Variants in TTC6 observed in about 807,000 individuals in gnomAD.
TTC6 encodes tetratricopeptide repeat protein 6.
In TTC6, 172 loss-of-function variants were observed where a neutral mutation model predicts 210.4. The ratio of observed to expected loss-of-function variants is 0.82; its 90% CI spans 0.72 to 0.93. TTC6 has a LOEUF of 0.93. Among genes scored for constraint, TTC6 ranks in the 40% least tolerant of loss-of-function variants. TTC6 has a pLI of 0.00. For missense variants in TTC6, 2,414 were observed against 2,318.1 expected, an observed-to-expected ratio of 1.04 and a Z score of -0.85; for synonymous variants, 804 against 819.6, an observed-to-expected ratio of 0.98 and a Z score of 0.32.
chr14:37,806,571 C>A (rs926957894), intron 22 of TTC6, 61 bp downstream of exon 24: 45 of 1,405,022 alleles, frequency 3.2e-5, no homozygotes, highest in African/African-American at 1.4e-5. Context: ...ACTATTAAAT[C>A]TTTTATGTGC....
chr14:37,680,119 T>A, intron 1 of TTC6, 32 bp from the exon 4 acceptor site: 2 of 1,260,476 alleles, frequency 1.6e-6, no homozygotes, highest in East Asian at 5.1e-5. Context: ...TTTTAAAAAT[T>A]GGCATCACTT....
intron 3 of TTC6, among the ~76,000 whole-genome samples, chr14:37,693,486 A>G (rs1490177589): frequency 3.3e-5 from 5 of 152,142 alleles, no homozygotes; most frequent in Admixed American, 1.3e-4. Context: ...CAAAATACCA[A>G]TGACATTCTT....
At chr14:37,787,469 A>C (rs1394647566) in exon 15 of TTC6, 1 of 1,513,156 alleles carries the variant, frequency 6.6e-7, no homozygotes, top group Non-Finnish European at 8.8e-7. Context: ...TTTTCCTAGG[A>C]CATACCGAGG....
chr14:37,834,037 G>A (rs2096192147), intron 29 of TTC6, among the ~76,000 whole-genome samples: 1 of 152,098 alleles, frequency 6.6e-6, no homozygotes, highest in African/African-American at 2.4e-5. Flanking sequence ...TGGTTTATAG[G>A]ATTTCTGTGG....
intron 1 of TTC6, among the ~76,000 whole-genome samples, chr14:37,663,366 A>G (rs1566872493): frequency 6.6e-6 from 1 of 152,194 alleles, no homozygotes; most frequent in Non-Finnish European, 1.5e-5. Flanking sequence ...TGAAATGTAT[A>G]CAAAATTAAA....
chr14:37,819,107 C>T (rs1215162186), intron 26 of TTC6, among the ~76,000 whole-genome samples: 3 of 152,168 alleles, frequency 2.0e-5, no homozygotes, highest in Non-Finnish European at 4.4e-5. Context: ...CATAACCCAA[C>T]TAGAATCTCT....
chr14:37,739,497 A>G (rs980480722), intron 10 of TTC6, among the ~76,000 whole-genome samples: 1 of 146,438 alleles, frequency 6.8e-6, no homozygotes, highest in African/African-American at 2.5e-5. Flanking sequence ...TGAACCTGGG[A>G]GGTGGAGGTT....
At chr14:37,600,182 A>T (rs2095612936) in intron 1 of TTC6, among the ~76,000 whole-genome samples, 1 of 152,190 alleles carries the variant, frequency 6.6e-6, no homozygotes, top group Non-Finnish European at 1.5e-5. Context: ...TGAGCAGCTG[A>T]GGTCCTACTG....
At chr14:37,687,820 G>GGTGAGACCCTGAGACTT in intron 3 of TTC6, among the ~76,000 whole-genome samples, 1 of 152,214 alleles carries the variant, frequency 6.6e-6, no homozygotes, top group South Asian at 2.1e-4. Context: ...GAGGGCCTTG[G>GGTGAGACCCTGAGACTT]GTGAGACCCT....
chr14:37,717,594 A>G (rs560518046), intron 6 of TTC6, among the ~76,000 whole-genome samples: 11 of 152,314 alleles, frequency 7.2e-5, no homozygotes, highest in East Asian at 3.9e-4. Flanking sequence ...GTAAGCCCAG[A>G]TGATTTTACT....
intron 5 of TTC6, among the ~76,000 whole-genome samples, chr14:37,703,222 C>T (rs149151657): frequency 1.5e-3 from 225 of 152,058 alleles, no homozygotes; most frequent in African/African-American, 4.9e-3. Context: ...TAATTATTCA[C>T]GCAAAGTGTT....
At chr14:37,621,154 G>A (rs901788916), upstream of TTC6, among the ~76,000 whole-genome samples, 7 of 152,162 alleles carry the variant, frequency 4.6e-5, no homozygotes, top group Non-Finnish European at 7.3e-5. Context: ...GGACACCTGG[G>A]ACCAGCTGGA....
chr14:37,790,205 C>G (rs2096076364), intron 15 of TTC6, among the ~76,000 whole-genome samples: 1 of 152,032 alleles, frequency 6.6e-6, no homozygotes, highest in Non-Finnish European at 1.5e-5. Context: ...TTGGTGTAGC[C>G]TCTTTGCTTG....
intron 15 of TTC6, among the ~76,000 whole-genome samples, chr14:37,789,596 T>TTATATTTATATATATA (rs2096074846): frequency 2.2e-5 from 3 of 134,498 alleles, no homozygotes; most frequent in African/African-American, 8.4e-5. Context: ...TGGTTTCCTC[T>TTATATTTATATATATA]TATATATATA....
chr14:37,708,272 C>A (rs2138721085), intron 5 of TTC6, among the ~76,000 whole-genome samples: 1 of 151,886 alleles, frequency 6.6e-6, no homozygotes, highest in South Asian at 2.1e-4. Context: ...ATAAGGAGTG[C>A]TTTTATTTGA....
chr14:37,642,713 T>G (rs916771694), intron 1 of TTC6, among the ~76,000 whole-genome samples: 1 of 152,198 alleles, frequency 6.6e-6, no homozygotes, highest in African/African-American at 2.4e-5. Context: ...CATCATTGTA[T>G]GAACATTGTA....
intron 1 of TTC6, among the ~76,000 whole-genome samples, chr14:37,632,664 C>G (rs773279161): frequency 6.6e-6 from 1 of 152,240 alleles, no homozygotes; most frequent in Non-Finnish European, 1.5e-5. Flanking sequence ...AGATCTGCTG[C>G]TCTCTTCAGA....
exon 2 of TTC6, chr14:37,680,216 A>G (rs999743901): frequency 6.5e-7 from 1 of 1,534,462 alleles, no homozygotes; most frequent in African/African-American, 1.4e-5. Flanking sequence ...CACCTGAGAT[A>G]CAAGCAGAGT....
intron 17 of TTC6, among the ~76,000 whole-genome samples, chr14:37,793,469 A>T (rs12435180): frequency 7.2e-5 from 11 of 151,960 alleles, no homozygotes; most frequent in Admixed American, 2.0e-4. Flanking sequence ...TGCCTCCATT[A>T]TCTACATCTC....
Sources: allele counts gnomAD v4.1 joint callset (sites outside exome capture counted in the v4.1 genomes callset), GRCh38; gene constraint gnomAD v4.1.1; transcripts MANE v1.5; gene names NCBI Gene and HGNC (gene_info 2026-07-23, HGNC 2026-07-21).